Variants in ERICH6B observed in about 807,000 individuals in gnomAD.
The protein encoded by ERICH6B is glutamate-rich protein 6B.
ERICH6B carries 69 observed loss-of-function variants against 80.0 expected under a neutral mutation model. The ratio of observed to expected loss-of-function variants is 0.86; its 90% CI spans 0.71 to 1.05. ERICH6B has a LOEUF of 1.05. Ranked by LOEUF, ERICH6B falls within the 50% of genes least tolerant of loss-of-function variation. The probability of loss-of-function intolerance (pLI) is 0.00; values close to 1 mark genes in which losing one functional copy is unlikely to be tolerated. For missense variants in ERICH6B, 754 were observed against 796.1 expected (o/e 0.95, Z 0.64); for synonymous variants, 283 against 291.9 (o/e 0.97, Z 0.31).
At chr13:45,553,316 A>C (rs1021040101) in intron 11 of ERICH6B, among the ~76,000 whole-genome samples, 13 of 152,138 alleles carry the variant, frequency 8.5e-5, no homozygotes, top group African/African-American at 2.9e-4. Flanking sequence ...AGTTAAATCT[A>C]GGGGTGGAGG....
chr13:45,606,876 A>T (rs947754034), intron 2 of ERICH6B, among the ~76,000 whole-genome samples: 2 of 152,002 alleles, frequency 1.3e-5, no homozygotes, highest in South Asian at 4.2e-4. Context: ...GATTCTGAAC[A>T]TGTTTGCTGC....
At chr13:45,593,615 G>C (rs1437883028) in intron 3 of ERICH6B, among the ~76,000 whole-genome samples, 1 of 152,162 alleles carries the variant, frequency 6.6e-6, no homozygotes, top group East Asian at 1.9e-4. Context: ...CATGCAACTA[G>C]TGAAAGGGAG....
At chr13:45,583,375 G>T (rs1285505115) in intron 5 of ERICH6B, among the ~76,000 whole-genome samples, 1 of 151,964 alleles carries the variant, frequency 6.6e-6, no homozygotes, top group African/African-American at 2.4e-5. Context: ...GTTTATCCTG[G>T]GATTGATTCA....
intron 1 of ERICH6B, among the ~76,000 whole-genome samples, chr13:45,614,625 C>T (rs550910489): frequency 1.3e-5 from 2 of 152,290 alleles, no homozygotes; most frequent in East Asian, 1.9e-4. Context: ...AGTGGGTGAC[C>T]CTTGGCTTTC....
At chr13:45,614,667 C>T (rs1447682550) in intron 1 of ERICH6B, among the ~76,000 whole-genome samples, 1 of 152,214 alleles carries the variant, frequency 6.6e-6, no homozygotes, top group Non-Finnish European at 1.5e-5. Flanking sequence ...GCTTGGAAAC[C>T]CTAGATGGAT....
chr13:45,610,586 A>C (rs1364302564), intron 1 of ERICH6B, among the ~76,000 whole-genome samples: 1 of 152,204 alleles, frequency 6.6e-6, no homozygotes, highest in Non-Finnish European at 1.5e-5. Flanking sequence ...TGTGAACATC[A>C]CAGCGTGTGC....
intron 1 of ERICH6B, 123 bp from the exon 2 acceptor site, chr13:45,607,738 T>C (rs1212760896): frequency 6.6e-6 from 1 of 152,236 alleles, no homozygotes; most frequent in Non-Finnish European, 1.5e-5. Flanking sequence ...AGTTTTGTGG[T>C]ATGTTTCTTC....
intron 8 of ERICH6B, among the ~76,000 whole-genome samples, chr13:45,572,546 T>C (rs74073910): frequency 0.011 from 1,604 of 152,234 alleles, 29 homozygotes; most frequent in African/African-American, 0.037. Flanking sequence ...TTATAAAAAC[T>C]CTTTTGAGGA....
At position 45,541,439 on chromosome 13, in the gene ERICH6B, G is replaced by A. The variant is rs1256677591; in HGVS notation, c.*23C>T. On this transcript the variant is annotated 3_prime_UTR_variant, in exon 15 of 15. Coordinates refer to ENST00000298738, the MANE Select transcript of ERICH6B (RefSeq NM_182542.3). ...GGTCTCCAACTTCCTAAGGCATTTG[G>A]TGGATGCCAGATAAGCCCCGCCTTA... 2 of 1,545,144 alleles carry A rather than the reference G, an allele frequency of 1.3e-6. No individual in the cohort carries two copies. The highest frequency in any genetic ancestry group is 2.4e-5 in the South Asian group (2 of 83,820).
intron 10 of ERICH6B, 162 bp downstream of exon 10, chr13:45,563,565 C>T (rs758766669): frequency 3.2e-5 from 22 of 689,354 alleles, no homozygotes; most frequent in Non-Finnish European, 4.4e-5. Flanking sequence ...CTGCCATGCT[C>T]GGTATTTCAT....
intron 5 of ERICH6B, among the ~76,000 whole-genome samples, chr13:45,584,733 G>A (rs1015528069): frequency 2.0e-5 from 3 of 152,154 alleles, no homozygotes; most frequent in Admixed American, 6.5e-5. Context: ...GCTGACTCCT[G>A]CGGGCCTCAG....
chr13:45,576,714 G>GT (rs112341659), intron 7 of ERICH6B, among the ~76,000 whole-genome samples: 43 of 150,100 alleles, frequency 2.9e-4, no homozygotes, highest in South Asian at 6.3e-4. Context: ...TATTTTAGTA[G>GT]TTTTTTTTTT....
intron 4 of ERICH6B, among the ~76,000 whole-genome samples, chr13:45,588,657 A>C (rs2138012066): frequency 6.6e-6 from 1 of 152,332 alleles, no homozygotes; most frequent in East Asian, 1.9e-4. Flanking sequence ...AAACAAACTT[A>C]GAGAGTTGTC....
intron 2 of ERICH6B, among the ~76,000 whole-genome samples, chr13:45,606,754 A>G (rs752196180): frequency 6.6e-6 from 1 of 151,436 alleles, no homozygotes; most frequent in South Asian, 2.1e-4. Flanking sequence ...GGGTTTCACC[A>G]TATTGGCCAG....
intron 2 of ERICH6B, among the ~76,000 whole-genome samples, chr13:45,601,747 C>T (rs921028841): frequency 2.0e-5 from 3 of 152,202 alleles, no homozygotes; most frequent in African/African-American, 7.2e-5. Flanking sequence ...GACACTCTCC[C>T]TTTAATTCTC....
intron 11 of ERICH6B, among the ~76,000 whole-genome samples, chr13:45,554,101 G>A (rs765688903): frequency 1.2e-4 from 18 of 152,186 alleles, no homozygotes; most frequent in East Asian, 1.9e-4. Context: ...CCTGTCTAGC[G>A]GAAATTTTGT....
intron 11 of ERICH6B, 134 bp from the exon 12 acceptor site, chr13:45,550,450 C>G (rs1312590817): frequency 2.9e-5 from 19 of 660,486 alleles, no homozygotes; most frequent in Non-Finnish European, 4.7e-5. Flanking sequence ...TGCTGGGGAG[C>G]TGCGGGGCTT....
intron 9 of ERICH6B, among the ~76,000 whole-genome samples, chr13:45,566,614 G>A (rs1023784434): frequency 7.2e-5 from 11 of 152,260 alleles, no homozygotes; most frequent in African/African-American, 2.7e-4. Flanking sequence ...ATGATGTTGA[G>A]CCTGTGAGTG....
At chr13:45,572,433 TG>T (rs1875213304) in intron 8 of ERICH6B, among the ~76,000 whole-genome samples, 1 of 152,192 alleles carries the variant, frequency 6.6e-6, no homozygotes, top group Non-Finnish European at 1.5e-5. Context: ...TCAGTATTGT[TG>T]GGGGCTTTGG....
Sources: allele counts gnomAD v4.1 joint callset (sites outside exome capture counted in the v4.1 genomes callset), GRCh38; gene constraint gnomAD v4.1.1; transcripts MANE v1.5; gene names NCBI Gene and HGNC (gene_info 2026-07-23, HGNC 2026-07-21).